The following ARHGAP12 variants were observed in gnomAD, a reference collection of about 807,000 sequenced individuals.
The protein encoded by ARHGAP12 is Rho GTPase activating protein 12, also known as rho GTPase-activating protein 12.
In ARHGAP12, 64 loss-of-function variants were observed where a neutral mutation model predicts 108.6. The observed-to-expected ratio is 0.59, with a 90% CI of 0.48 to 0.73. The LOEUF (loss-of-function observed/expected upper bound fraction) is 0.73, where lower values mean the gene tolerates loss of function less well. Ranked by LOEUF, ARHGAP12 falls within the 30% of genes least tolerant of loss-of-function variation. The pLI is 0.00. For synonymous variants in ARHGAP12, 312 were observed against 337.2 expected (o/e 0.93, Z 0.82); for missense variants, 940 against 1,005.9 (o/e 0.93, Z 0.89).
intron 14 of ARHGAP12, among the ~76,000 whole-genome samples, chr10:31,813,205 T>C (rs1835082846): frequency 6.6e-6 from 1 of 152,060 alleles, no homozygotes; most frequent in Non-Finnish European, 1.5e-5. Context: ...TAAAAATACA[T>C]AAAATACACA....
chr10:31,880,515 T>G (rs1837906391), intron 3 of ARHGAP12, among the ~76,000 whole-genome samples: 1 of 152,110 alleles, frequency 6.6e-6, no homozygotes, highest in African/African-American at 2.4e-5. Flanking sequence ...TTCAAACATT[T>G]CTGAAACAAA....
intron 4 of ARHGAP12, among the ~76,000 whole-genome samples, chr10:31,860,499 G>C (rs776278312): frequency 4.6e-5 from 7 of 152,196 alleles, no homozygotes; most frequent in Non-Finnish European, 1.0e-4. Context: ...GCACCATCCT[G>C]CAAGAGGTAT....
At chr10:31,893,860 C>A (rs1838561207) in intron 3 of ARHGAP12, among the ~76,000 whole-genome samples, 1 of 152,196 alleles carries the variant, frequency 6.6e-6, no homozygotes, top group Non-Finnish European at 1.5e-5. Context: ...AAAATACTGG[C>A]AAACCGAATC....
At chr10:31,890,139 G>A (rs1335275161) in intron 3 of ARHGAP12, among the ~76,000 whole-genome samples, 2 of 152,234 alleles carry the variant, frequency 1.3e-5, no homozygotes, top group South Asian at 4.1e-4. Context: ...TTCTAGAGGG[G>A]AGAAAACTGA....
In ARHGAP12 at chr10:31,869,131, A is replaced by G. The variant is rs543660694; in HGVS notation, c.685-7473T>C. On this transcript the variant is annotated intron_variant, in intron 3 of 19. Coordinates refer to ENST00000344936, the MANE Select transcript of ARHGAP12 (RefSeq NM_018287.7). The stretch of plus-strand genomic sequence containing the variant: ...AGAGTTAAAATGAATAAGCAGTAAG[A>G]TATAAGTACTTCCAATATATGAGTC... Among the ~76,000 whole-genome samples, 3 of 152,344 alleles carry G rather than the reference A, an allele frequency of 2.0e-5. No individual in the cohort carries two copies. In the East Asian group the frequency reaches 5.8e-4, roughly 29 times the overall value.
intron 9 of ARHGAP12, among the ~76,000 whole-genome samples, chr10:31,833,588 C>T (rs1431500664): frequency 3.3e-5 from 5 of 152,166 alleles, no homozygotes; most frequent in Non-Finnish European, 7.3e-5. Flanking sequence ...TACTAATGCT[C>T]TATTAATCAC....
chr10:31,864,039 T>C (rs1166424737), intron 3 of ARHGAP12, among the ~76,000 whole-genome samples: 1 of 152,150 alleles, frequency 6.6e-6, no homozygotes, highest in African/African-American at 2.4e-5. Context: ...ACTGTAAACA[T>C]ATCTCACTTA....
chr10:31,896,927 T>C (rs904065766), intron 3 of ARHGAP12, among the ~76,000 whole-genome samples: 1 of 152,018 alleles, frequency 6.6e-6, no homozygotes, highest in Non-Finnish European at 1.5e-5. Flanking sequence ...GTCACACAGA[T>C]CTATTTCCCT....
At chr10:31,869,767 T>C (rs1261085483) in intron 3 of ARHGAP12, among the ~76,000 whole-genome samples, 1 of 152,156 alleles carries the variant, frequency 6.6e-6, no homozygotes. Context: ...GGGAACCATA[T>C]ATATAAGAAG....
At chr10:31,923,831 G>A (rs1056160288) in intron 1 of ARHGAP12, among the ~76,000 whole-genome samples, 3 of 152,188 alleles carry the variant, frequency 2.0e-5, no homozygotes, top group Non-Finnish European at 4.4e-5. Flanking sequence ...TTTGATGGGT[G>A]AAAGAAATGT....
chr10:31,858,390 A>G (rs1836968056), intron 4 of ARHGAP12, among the ~76,000 whole-genome samples: 1 of 152,176 alleles, frequency 6.6e-6, no homozygotes, highest in Admixed American at 6.5e-5. Context: ...GAACAAGAAG[A>G]CAGTGATTAA....
rs553867626 is a variant in ARHGAP12, at chr10:31,908,459, T to C, written c.397A>G (p.Asn133Asp). 5 of 1,614,232 alleles carry C rather than the reference T, an allele frequency of 3.1e-6. No homozygotes were observed. Among genetic ancestry groups the C allele is most frequent in the African/African-American group, 1.3e-5 (1 of 75,056 alleles). Residue 133 changes from asparagine (N) to aspartate (D), a missense_variant, in exon 3 of 20, where the codon AAT becomes GAT. By Grantham distance (23) the Asn-to-Asp change is conservative. Transcript: ENST00000344936. Reference sequence around the variant, plus strand: ...TTATAACTGGGTCCAAAATTCTGATTGGCATCACGAATAAGACCTGTTCCT... The same window carrying C: ...TTATAACTGGGTCCAAAATTCTGATCGGCATCACGAATAAGACCTGTTCCT... ...VQGTGLIRDA[N>D]QNFGPSYNQG...
intron 15 of ARHGAP12, among the ~76,000 whole-genome samples, chr10:31,812,212 A>G (rs1319957991): frequency 2.0e-5 from 3 of 152,146 alleles, no homozygotes; most frequent in African/African-American, 7.2e-5. Flanking sequence ...ATATTTTCCT[A>G]TAAAAAAAAG....
At chr10:31,842,144 G>GT (rs1836292128) in intron 7 of ARHGAP12, among the ~76,000 whole-genome samples, 1 of 152,060 alleles carries the variant, frequency 6.6e-6, no homozygotes. Context: ...AGAAAAAGGA[G>GT]TAAGAAATTT....
chr10:31,845,292 T>C (rs2132243980), intron 6 of ARHGAP12, among the ~76,000 whole-genome samples: 1 of 152,306 alleles, frequency 6.6e-6, no homozygotes, highest in East Asian at 1.9e-4. Context: ...ATAACAATAA[T>C]TTAAAAAAAC....
chr10:31,921,763 C>CA (rs57420280), intron 1 of ARHGAP12, among the ~76,000 whole-genome samples: 5,853 of 38,018 alleles, frequency 0.15, 1,686 homozygotes, highest in East Asian at 0.44. Context: ...GGCTCCATCT[C>CA]AAAAAAAAAA....
In ARHGAP12 at chr10:31,927,322, C is replaced by G. The variant is rs565263375; in HGVS notation, c.-111+1361G>C. On this transcript the variant is annotated intron_variant, in intron 1 of 19. Transcript: ENST00000344936. The stretch of plus-strand genomic sequence containing the variant: ...CACCCTCCTACAGATAAAGAAAAGG[C>G]GATATGGGCAAGTACACACACATCT... Among the ~76,000 whole-genome samples the G allele has an allele frequency of 2.2e-3, 334 of 152,250 alleles. 3 individuals are homozygous for G. Among genetic ancestry groups the G allele is most frequent in the Middle Eastern group, 6.8e-3 (2 of 292 alleles).
chr10:31,814,087 A>G (rs1230097772), intron 14 of ARHGAP12, among the ~76,000 whole-genome samples, 172 bp downstream of exon 14: 2 of 152,198 alleles, frequency 1.3e-5, no homozygotes, highest in African/African-American at 4.8e-5. Flanking sequence ...AACGACAATA[A>G]TGAGTTAACA....
intron 4 of ARHGAP12, among the ~76,000 whole-genome samples, chr10:31,860,327 C>T (rs908384645): frequency 2.0e-5 from 3 of 152,134 alleles, no homozygotes; most frequent in Admixed American, 2.0e-4. Flanking sequence ...CTATAACAGC[C>T]GGATGTCCTA....
Sources: gnomAD v4.1 joint callset for allele counts (sites outside exome capture counted in the v4.1 genomes callset) on GRCh38, gnomAD v4.1.1 for gene constraint, MANE v1.5 for transcripts, NCBI Gene and HGNC (gene_info 2026-07-23, HGNC 2026-07-21) for gene names.